Variants in LRP1B observed in about 807,000 individuals in gnomAD.
LRP1B encodes low-density lipoprotein receptor-related protein 1B.
Under a neutral mutation model 556.6 loss-of-function variants are expected in LRP1B, and 217 were observed. That is an observed-to-expected ratio of 0.39 (90% CI 0.35 to 0.44). The LOEUF (loss-of-function observed/expected upper bound fraction) is 0.44, where lower values mean the gene tolerates loss of function less well. LRP1B is among the 20% of genes least tolerant of loss of function. The pLI is 1.00. For synonymous variants in LRP1B, 2,047 were observed against 1,865.8 expected (o/e 1.10, Z -2.50); for missense variants, 5,053 against 5,620.8 (o/e 0.90, Z 3.23).
chr2:141,220,831 TAAGGA>T (rs1157549152), intron 6 of LRP1B, among the ~76,000 whole-genome samples: 1 of 149,588 alleles, frequency 6.7e-6, no homozygotes, highest in Non-Finnish European at 1.5e-5. Context: ...CTAAGCTTCA[TAAGGA>T]AAGGGGAAAC....
chr2:142,107,658 C>T (rs1289315415), intron 1 of LRP1B, among the ~76,000 whole-genome samples: 2 of 151,944 alleles, frequency 1.3e-5, no homozygotes, highest in Non-Finnish European at 2.9e-5. Flanking sequence ...GACAGAGTCT[C>T]GCTCTGTTTC....
chr2:140,864,546 A>G (rs1692892730), intron 27 of LRP1B, among the ~76,000 whole-genome samples: 1 of 152,112 alleles, frequency 6.6e-6, no homozygotes, highest in South Asian at 2.1e-4. Flanking sequence ...AGTCATAATC[A>G]CAAAACCATT....
chr2:141,246,210 C>A (rs73962875), intron 5 of LRP1B, among the ~76,000 whole-genome samples: 15,642 of 152,180 alleles, frequency 0.1, 920 homozygotes, highest in East Asian at 0.16. Flanking sequence ...GGGAAGGTCA[C>A]TCTGAATATT....
chr2:141,701,606 G>A (rs1370826169), intron 2 of LRP1B, among the ~76,000 whole-genome samples: 2 of 151,868 alleles, frequency 1.3e-5, no homozygotes, highest in Non-Finnish European at 2.9e-5. Flanking sequence ...GAATGGTTGT[G>A]AGGATTATGT....
intron 2 of LRP1B, among the ~76,000 whole-genome samples, chr2:141,557,820 T>C (rs1385220268): frequency 6.6e-6 from 1 of 151,934 alleles, no homozygotes; most frequent in Non-Finnish European, 1.5e-5. Context: ...GGTAGCTGTG[T>C]CTATACCATA....
At chr2:141,363,168 T>C (rs1029535410) in intron 3 of LRP1B, among the ~76,000 whole-genome samples, 1 of 152,198 alleles carries the variant, frequency 6.6e-6, no homozygotes, top group East Asian at 1.9e-4. Context: ...TACTTCTTTG[T>C]CTGTTTTTGT....
chr2:141,463,173 T>A (rs1681980766), intron 3 of LRP1B, among the ~76,000 whole-genome samples: 1 of 152,164 alleles, frequency 6.6e-6, no homozygotes, highest in South Asian at 2.1e-4. Flanking sequence ...TTTGGTTGAA[T>A]GCAGTAAGAA....
intron 1 of LRP1B, among the ~76,000 whole-genome samples, chr2:141,992,165 C>T (rs1020200387): frequency 2.6e-5 from 4 of 151,932 alleles, no homozygotes; most frequent in Non-Finnish European, 5.9e-5. Context: ...ATCATTTATT[C>T]CCCAAATATT....
chr2:140,526,746 C>T (rs929587571), intron 47 of LRP1B, among the ~76,000 whole-genome samples: 8 of 151,138 alleles, frequency 5.3e-5, no homozygotes, highest in African/African-American at 1.9e-4. Flanking sequence ...CTCTTTCCAC[C>T]TTCAACATTC....
intron 2 of LRP1B, among the ~76,000 whole-genome samples, chr2:141,612,594 A>G (rs1237836952): frequency 1.3e-5 from 2 of 152,230 alleles, no homozygotes; most frequent in East Asian, 3.9e-4. Context: ...ACTAATTTGT[A>G]GAAATACACC....
In LRP1B at chr2:141,096,679, A is replaced by AGAGAGAGAGAGG. The variant is rs1553459410; in HGVS notation, c.1014-34407_1014-34406insCCTCTCTCTCTC. On this transcript the variant is annotated intron_variant, in intron 7 of 90. Transcript: ENST00000389484. ...GAGAGAGAGAGAGAGAGAGAGAGAG[A>AGAGAGAGAGAGG]GAGAGAGAGAGAAAATAAATAAATA... Among the ~76,000 whole-genome samples the AGAGAGAGAGAGG allele has an allele frequency of 8.1e-3, 715 of 88,464 alleles. 114 individuals are homozygous for AGAGAGAGAGAGG. The highest frequency in any genetic ancestry group is 0.057 in the East Asian group (102 of 1,796). The allele number at this position is 88,464 out of a possible 152,430, so 58.0% of individuals were successfully genotyped here. A position where few individuals can be genotyped will look rare whatever the true frequency, so the allele number is the denominator to read the frequency against.
At chr2:141,994,520 C>T (rs1332281181) in intron 1 of LRP1B, among the ~76,000 whole-genome samples, 2 of 151,962 alleles carry the variant, frequency 1.3e-5, no homozygotes, top group Non-Finnish European at 2.9e-5. Context: ...TGTATTTATA[C>T]TGTGTGAGTA....
intron 53 of LRP1B, among the ~76,000 whole-genome samples, chr2:140,506,148 A>AT (rs1689399937): frequency 2.0e-5 from 3 of 152,138 alleles, no homozygotes. Context: ...TGATTTGGCT[A>AT]TACAACTGAA....
chr2:140,567,015 T>G (rs568756702), intron 43 of LRP1B, among the ~76,000 whole-genome samples: 172 of 152,244 alleles, frequency 1.1e-3, no homozygotes, highest in African/African-American at 3.5e-3. Context: ...GTAGCTTGGC[T>G]GAACTAAGCA....
Position 140,238,314 on chromosome 2 carries a change from TA to T in LRP1B, c.13416-19del. On this transcript the variant is annotated intron_variant, in intron 88 of 90. Transcript: ENST00000389484. ...TTTTTGTCCTAGAATATATAAACAT[TA>T]ATATGTGTGAGTTTTGTATAAATAT... 2 of 1,353,602 alleles carry T rather than the reference TA, an allele frequency of 1.5e-6. No individual in the cohort carries two copies. The highest frequency in any genetic ancestry group is 1.3e-5 in the South Asian group (1 of 79,602). The allele number at this position is 1,353,602 out of a possible 1,614,324, so 83.8% of individuals were successfully genotyped here.
chr2:140,387,746 A>C (rs1022086166), intron 66 of LRP1B, among the ~76,000 whole-genome samples: 5 of 152,104 alleles, frequency 3.3e-5, no homozygotes, highest in African/African-American at 1.2e-4. Flanking sequence ...CAGAATTTCT[A>C]ATGTTACATT....
At chr2:140,306,650 A>G (rs913626977) in intron 83 of LRP1B, among the ~76,000 whole-genome samples, 1 of 151,236 alleles carries the variant, frequency 6.6e-6, no homozygotes, top group African/African-American at 2.4e-5. Context: ...TTGTGCCTCT[A>G]TCTCCTTCAG....
intron 1 of LRP1B, among the ~76,000 whole-genome samples, chr2:141,897,932 G>A (rs180993136): frequency 2.6e-5 from 4 of 152,148 alleles, no homozygotes; most frequent in East Asian, 1.9e-4. Context: ...ATACATGAAC[G>A]ACAGTCTGAC....
At chr2:140,427,813 C>T (rs898562511) in intron 66 of LRP1B, among the ~76,000 whole-genome samples, 12 of 151,884 alleles carry the variant, frequency 7.9e-5, no homozygotes, top group Admixed American at 2.6e-4. Flanking sequence ...CTCGCCAGGC[C>T]GAGCTAGGTC....
Sources: allele counts gnomAD v4.1 joint callset (sites outside exome capture counted in the v4.1 genomes callset), GRCh38; gene constraint gnomAD v4.1.1; transcripts MANE v1.5; gene names NCBI Gene and HGNC (gene_info 2026-07-23, HGNC 2026-07-21).